The following PHF21B variants were observed in gnomAD, a reference collection of about 807,000 sequenced individuals.
The protein encoded by PHF21B is PHD finger protein 4.
In PHF21B, 22 loss-of-function variants were observed where a neutral mutation model predicts 62.2. The ratio of observed to expected loss-of-function variants is 0.35; its 90% CI spans 0.25 to 0.51. The LOEUF is 0.51. Ranked by LOEUF, PHF21B falls within the 20% of genes least tolerant of loss-of-function variation. PHF21B has a pLI of 0.97. For missense variants in PHF21B, 701 were observed against 707.9 expected (o/e 0.99, Z 0.11); for synonymous variants, 341 against 314.7 (o/e 1.08, Z -0.88).
intron 5 of PHF21B, among the ~76,000 whole-genome samples, chr22:44,906,766 C>T (rs1001707529): frequency 6.6e-6 from 1 of 152,318 alleles, no homozygotes; most frequent in Admixed American, 6.5e-5. Flanking sequence ...TAATTCCTGC[C>T]CCCCGCTACT....
chr22:44,942,829 G>A (rs1249352083), intron 2 of PHF21B, among the ~76,000 whole-genome samples: 2 of 152,184 alleles, frequency 1.3e-5, no homozygotes, highest in Non-Finnish European at 2.9e-5. Flanking sequence ...GCAAACCCTT[G>A]CCCCAGCTGG....
At chr22:44,901,652 G>T in intron 5 of PHF21B, 1 of 504,430 alleles carries the variant, frequency 2.0e-6, no homozygotes, top group Non-Finnish European at 3.1e-6. Context: ...GATGCTGGTG[G>T]CAAGGTGAAA....
At chr22:44,976,099 A>G (rs943934419) in intron 2 of PHF21B, among the ~76,000 whole-genome samples, 3 of 152,216 alleles carry the variant, frequency 2.0e-5, no homozygotes, top group Admixed American at 6.5e-5. Context: ...CGAGCCCAGG[A>G]GGCTGAGGCT....
At chr22:44,985,447 A>T (rs1396809762) in intron 2 of PHF21B, among the ~76,000 whole-genome samples, 1 of 152,134 alleles carries the variant, frequency 6.6e-6, no homozygotes, top group Non-Finnish European at 1.5e-5. Context: ...CTCTAACAAA[A>T]AAATTAACTG....
chr22:44,920,620 T>C (rs1433196970), intron 2 of PHF21B, 130 bp from the exon 3 acceptor site: 1 of 523,004 alleles, frequency 1.9e-6, no homozygotes, highest in South Asian at 3.3e-5. Flanking sequence ...TTCTTAATTA[T>C]GATTTTTAAA....
intron 2 of PHF21B, among the ~76,000 whole-genome samples, chr22:44,932,535 T>C (rs2071762411): frequency 6.6e-6 from 1 of 152,230 alleles, no homozygotes. Flanking sequence ...TCCAGACCTC[T>C]GTAAAATAGA....
chr22:44,891,400 G>A (rs181983594), intron 7 of PHF21B, 40 bp from the exon 8 acceptor site: 21 of 1,606,246 alleles, frequency 1.3e-5, no homozygotes, highest in African/African-American at 5.3e-5. Context: ...CCCATCATCT[G>A]GAGGCTCTCT....
Position 44,888,105 on chromosome 22 carries a change from T to C in PHF21B, c.1055A>G (p.Asp352Gly), listed in dbSNP as rs2070892815. The change falls in exon 10 of 13, where the codon GAT becomes GGT. Residue 352 changes from aspartate to glycine, a missense_variant. Physicochemically the swap from Asp to Gly is moderately conservative, Grantham distance 94 (BLOSUM62 -1). Transcript: ENST00000313237. ...DPCWKNEITH[D>G]EHCAACKRGA... Reference sequence around the variant, plus strand: ...TCGCTTGCAGGCGGCACAGTGCTCATCGTGGGTGATCTCGTTCTGGAAGAG... The same window carrying C: ...TCGCTTGCAGGCGGCACAGTGCTCACCGTGGGTGATCTCGTTCTGGAAGAG... The C allele has an allele frequency of 1.3e-6, 2 of 1,533,286 alleles. No homozygotes were observed. The highest frequency in any genetic ancestry group is 1.4e-5 in the African/African-American group (1 of 72,312). 95.0% of individuals were successfully genotyped at this position (1,533,286 alleles called of 1,614,324 possible).
At position 45,009,959 on chromosome 22, in the gene PHF21B, T is replaced by C. The variant is rs1411946672; in HGVS notation, c.-410A>G. The C allele has an allele frequency of 2.1e-5, 3 of 145,488 alleles. No homozygotes were observed. The highest frequency in any genetic ancestry group is 7.4e-5 in the African/African-American group (3 of 40,412). The allele number at this position is 145,488 out of a possible 1,614,324, so 9.0% of individuals were successfully genotyped here. On this transcript the variant is annotated 5_prime_UTR_variant, in exon 1 of 13. Transcript: ENST00000313237. This position sits in a 1 kb window ranked among gnomAD's most constrained non-coding sequence, Gnocchi z 5.9. ...CTCCGGCGCGCGCGCCTGGATCTCG[T>C]TGGGCCTCGGCAAAGTTGTGCCTCG...
intron 5 of PHF21B, chr22:44,901,924 C>A: frequency 4.4e-6 from 1 of 225,802 alleles, no homozygotes. Context: ...AGATATTCTC[C>A]TACTGAAGAC....
intron 2 of PHF21B, among the ~76,000 whole-genome samples, chr22:44,977,134 G>C (rs539435685): frequency 6.6e-6 from 1 of 151,464 alleles, no homozygotes; most frequent in Admixed American, 6.6e-5. Context: ...AGAAAAGAAA[G>C]AAAAAAACGA....
intron 2 of PHF21B, among the ~76,000 whole-genome samples, chr22:44,926,089 G>C (rs2071625018): frequency 6.6e-6 from 1 of 152,106 alleles, no homozygotes; most frequent in African/African-American, 2.4e-5. Context: ...GGGTTCTGTG[G>C]TGGGAAGGCC....
intron 2 of PHF21B, among the ~76,000 whole-genome samples, chr22:45,001,603 G>A (rs772582328): frequency 3.9e-5 from 6 of 152,230 alleles, no homozygotes; most frequent in Admixed American, 2.6e-4. Flanking sequence ...AAAGCCCTCT[G>A]CAAGTGTAAA....
chr22:45,001,308 G>A (rs2073213634), intron 2 of PHF21B: 1 of 152,332 alleles, frequency 6.6e-6, no homozygotes, highest in Non-Finnish European at 1.5e-5. Flanking sequence ...ATAAAAAGAC[G>A]TCGATCAAGG....
chr22:44,952,938 T>C (rs75564887), intron 2 of PHF21B, among the ~76,000 whole-genome samples: 19,526 of 152,198 alleles, frequency 0.13, 1,430 homozygotes, highest in South Asian at 0.28. Flanking sequence ...TGCTGAGCCC[T>C]GTGTGCTGGG....
Position 44,908,120 on chromosome 22 carries a change from C to CA in PHF21B, c.831+5701dup, listed in dbSNP as rs571184652. 1.6e-3 allele frequency among the ~76,000 whole-genome samples: 245 copies of CA among 152,282 alleles called. 1 individual carries two copies. The highest frequency in any genetic ancestry group is 0.011 in the South Asian group (55 of 4,826). On this transcript the variant is annotated intron_variant, in intron 5 of 12. Coordinates refer to ENST00000313237, the MANE Select transcript of PHF21B (RefSeq NM_138415.5). ...ACGACTGAGCGGTTCGGGTCCTGAG[C>CA]AGTAGGTTCTGACCCCAAACCTGAC...
At chr22:44,914,175 G>A (rs1569224516) in intron 4 of PHF21B, 87 bp from the exon 5 acceptor site, 2 of 592,852 alleles carry the variant, frequency 3.4e-6, no homozygotes, top group East Asian at 5.8e-5. Flanking sequence ...GGCAGGGGTT[G>A]GGGAGCACAG....
intron 2 of PHF21B, among the ~76,000 whole-genome samples, chr22:44,948,453 G>A (rs2072122943): frequency 1.3e-5 from 2 of 151,972 alleles, no homozygotes; most frequent in African/African-American, 2.4e-5. Flanking sequence ...AGGCCGAGGC[G>A]GGCAGATCAT....
chr22:44,952,279 G>A (rs1215171308), intron 2 of PHF21B, among the ~76,000 whole-genome samples: 2 of 152,190 alleles, frequency 1.3e-5, no homozygotes, highest in African/African-American at 4.8e-5. Context: ...AGAGTCGGAG[G>A]TTGCAGTGAG....
Sources: gnomAD v4.1 joint callset for allele counts (sites outside exome capture counted in the v4.1 genomes callset) on GRCh38, gnomAD v4.1.1 for gene constraint, Gnocchi (gnomAD v3.1) non-coding constraint, MANE v1.5 for transcripts, NCBI Gene and HGNC (gene_info 2026-07-23, HGNC 2026-07-21) for gene names.